Variants in PHKB observed in about 807,000 individuals in gnomAD.
The protein encoded by PHKB is phosphorylase b kinase regulatory subunit beta.
Under a neutral mutation model 152.1 loss-of-function variants are expected in PHKB, and 122 were observed. The ratio of observed to expected loss-of-function variants is 0.80; its 90% CI spans 0.69 to 0.93. PHKB has a LOEUF of 0.93. Among genes scored for constraint, PHKB ranks in the 40% least tolerant of loss-of-function variants. The pLI is 0.00. For synonymous variants in PHKB, 436 were observed against 464.9 expected, an observed-to-expected ratio of 0.94 and a Z score of 0.80; for missense variants, 1,304 against 1,328.4, an observed-to-expected ratio of 0.98 and a Z score of 0.29.
At chr16:47,478,331 G>A (rs976844511) in intron 1 of PHKB, among the ~76,000 whole-genome samples, 48 of 152,120 alleles carry the variant, frequency 3.2e-4, no homozygotes, top group African/African-American at 1.0e-3. Flanking sequence ...TCATTTACAT[G>A]GCTGACATGG....
chr16:47,675,919 G>A (rs931900574), intron 26 of PHKB: 3 of 152,164 alleles, frequency 2.0e-5, no homozygotes, highest in African/African-American at 4.8e-5. Context: ...CATCCTGTCT[G>A]TGGGGCTTGT....
At chr16:47,682,239 T>C (rs1973873418) in intron 26 of PHKB, among the ~76,000 whole-genome samples, 2 of 152,226 alleles carry the variant, frequency 1.3e-5, no homozygotes. Context: ...ATTATGTGTC[T>C]TGGAGTTGCT....
At chr16:47,583,907 T>C (rs942482863) in intron 8 of PHKB, among the ~76,000 whole-genome samples, 5 of 152,222 alleles carry the variant, frequency 3.3e-5, no homozygotes, top group African/African-American at 1.2e-4. Flanking sequence ...AAGGCTTGCC[T>C]TTTGCCCCTG....
In PHKB at chr16:47,696,491, G is replaced by A; in HGVS notation, c.3003+3G>A. On this transcript the variant is annotated splice_donor_region_variant and intron_variant, in intron 29 of 30. Coordinates refer to ENST00000323584, the MANE Select transcript of PHKB (RefSeq NM_000293.3). ...AGTACAGACAGATCGTTGTAGAGGT[G>A]AGTAGTAAGAAATGAAGATTGCTGA... 1 of 1,494,950 alleles carries A rather than the reference G, an allele frequency of 6.7e-7. No homozygotes were observed. The highest frequency in any genetic ancestry group is 9.3e-7 in the Non-Finnish European group (1 of 1,071,316). 92.6% of individuals were successfully genotyped at this position (1,494,950 alleles called of 1,614,324 possible).
intron 14 of PHKB, among the ~76,000 whole-genome samples, chr16:47,611,224 AG>A (rs1972422444): frequency 6.6e-6 from 1 of 152,156 alleles, no homozygotes; most frequent in South Asian, 2.1e-4. Context: ...CAATGACTGA[AG>A]GGAGTGGGAT....
chr16:47,675,080 TG>T (rs1377392973), intron 26 of PHKB, among the ~76,000 whole-genome samples: 10 of 152,224 alleles, frequency 6.6e-5, no homozygotes, highest in Non-Finnish European at 1.2e-4. Flanking sequence ...GCTTGCCCTT[TG>T]GGTTATCCCA....
chr16:47,507,011 T>C (rs1031278879), intron 4 of PHKB, among the ~76,000 whole-genome samples: 2 of 152,150 alleles, frequency 1.3e-5, no homozygotes, highest in African/African-American at 4.8e-5. Context: ...TCTCTCTGGG[T>C]CACCCAGGCT....
intron 1 of PHKB, among the ~76,000 whole-genome samples, chr16:47,479,308 A>G (rs938662293): frequency 6.6e-6 from 1 of 152,162 alleles, no homozygotes. Context: ...GTTAGTTTTG[A>G]TATTTAAGCT....
chr16:47,648,961 T>C (rs1973184376), intron 17 of PHKB, 139 bp from the exon 18 acceptor site: 1 of 662,938 alleles, frequency 1.5e-6, no homozygotes, highest in South Asian at 1.7e-5. Flanking sequence ...TTAAATATTA[T>C]CTGGATGTCG....
At chr16:47,597,333 A>G (rs1173669988) in intron 13 of PHKB, among the ~76,000 whole-genome samples, 2 of 152,170 alleles carry the variant, frequency 1.3e-5, no homozygotes, top group Admixed American at 6.5e-5. Flanking sequence ...GTGCCGTAAG[A>G]GTAATCATCT....
At chr16:47,631,818 T>G (rs1339786190) in intron 14 of PHKB, among the ~76,000 whole-genome samples, 1 of 152,232 alleles carries the variant, frequency 6.6e-6, no homozygotes, top group Non-Finnish European at 1.5e-5. Context: ...TCATCCTTTT[T>G]TGTGGCTGTA....
At chr16:47,678,926 C>T (rs1255894936) in intron 26 of PHKB, among the ~76,000 whole-genome samples, 5 of 152,184 alleles carry the variant, frequency 3.3e-5, no homozygotes, top group Admixed American at 6.5e-5. Context: ...AGTCTTTAAT[C>T]CATCTTGAAT....
At chr16:47,510,624 T>G (rs1348399051) in intron 4 of PHKB, among the ~76,000 whole-genome samples, 1 of 152,060 alleles carries the variant, frequency 6.6e-6, no homozygotes, top group East Asian at 1.9e-4. Context: ...AATAATTGAG[T>G]GACAACTACA....
intron 6 of PHKB, among the ~76,000 whole-genome samples, chr16:47,542,361 C>G (rs1230960226): frequency 6.6e-6 from 1 of 151,986 alleles, no homozygotes; most frequent in African/African-American, 2.4e-5. Context: ...TGGTGTCTAT[C>G]TCTGTTTTGG....
rs568801920 is a variant in PHKB at position 47,691,521 on chromosome 16, A to T, written c.2766-1857A>T. Among the ~76,000 whole-genome samples the T allele has an allele frequency of 1.1e-4, 17 of 152,256 alleles. No individual in the cohort carries two copies. The Middle Eastern group carries it at 0.02, about 183-fold the overall frequency. The stretch of plus-strand genomic sequence containing the variant: ...GGAGTTTGAGACCAGGCTGGGCAAC[A>T]TGGCAAGACCCCATCTCTACAAAAA... On this transcript the variant is annotated intron_variant, in intron 27 of 30. Coordinates refer to ENST00000323584, the MANE Select transcript of PHKB (RefSeq NM_000293.3).
chr16:47,695,552 T>A (rs929897650), intron 28 of PHKB, among the ~76,000 whole-genome samples: 1 of 152,218 alleles, frequency 6.6e-6, no homozygotes, highest in Non-Finnish European at 1.5e-5. Context: ...AAGAGGACAT[T>A]GGGTCCCATT....
chr16:47,550,475 T>C (rs1327708709), intron 7 of PHKB, among the ~76,000 whole-genome samples: 1 of 152,262 alleles, frequency 6.6e-6, no homozygotes, highest in Non-Finnish European at 1.5e-5. Context: ...CTTCCCTTTG[T>C]AGTCTGACAC....
In PHKB at chr16:47,511,755, G is replaced by A. The variant is rs774068671; in HGVS notation, c.496G>A (p.Glu166Lys). Reference sequence around the variant, plus strand: ...AGGAGATGAGTTGCTTTCCTATGAGGAATATGGTCATCTTCAGGTAAAAAG... The same window carrying A: ...AGGAGATGAGTTGCTTTCCTATGAGAAATATGGTCATCTTCAGGTAAAAAG... ...HTGDELLSYEEYGHLQINAVS... is the reference protein window; with the variant it reads ...HTGDELLSYEKYGHLQINAVS... Residue 166 changes from glutamate (E) to lysine (K), a missense_variant, in exon 5 of 31, where the codon GAA becomes AAA. Physicochemically the swap from Glu to Lys is moderately conservative, Grantham distance 56. Coordinates refer to ENST00000323584, the MANE Select transcript of PHKB (RefSeq NM_000293.3). 12 of 1,582,114 alleles carry A rather than the reference G, an allele frequency of 7.6e-6. No homozygotes were observed. Among genetic ancestry groups the A allele is most frequent in the Non-Finnish European group, 1.0e-5 (12 of 1,150,848 alleles).
intron 26 of PHKB, among the ~76,000 whole-genome samples, chr16:47,677,481 G>A (rs772985464): frequency 6.6e-6 from 1 of 152,208 alleles, no homozygotes; most frequent in Non-Finnish European, 1.5e-5. Context: ...CAGGGTCCCT[G>A]CCAATTTGGT....
Sources: allele counts gnomAD v4.1 joint callset (sites outside exome capture counted in the v4.1 genomes callset), GRCh38; gene constraint gnomAD v4.1.1; transcripts MANE v1.5; gene names NCBI Gene and HGNC (gene_info 2026-07-23, HGNC 2026-07-21).